HMCN2: variants seen among roughly 807,000 people sequenced by gnomAD.
The protein encoded by HMCN2 is hemicentin-2.
A neutral mutation model predicts 377.5 loss-of-function variants in HMCN2; 325 were observed. The observed-to-expected ratio is 0.86, with a 90% CI of 0.79 to 0.94. The LOEUF is 0.94. HMCN2 is among the 40% of genes least tolerant of loss of function. The pLI is 0.00. For missense variants in HMCN2, 4,543 were observed against 4,725.3 expected, an observed-to-expected ratio of 0.96 and a Z score of 1.13; for synonymous variants, 2,007 against 2,046.8, an observed-to-expected ratio of 0.98 and a Z score of 0.53.
rs1276236107 is a variant in HMCN2, at chr9:130,361,216, C to G, written c.5950+612C>G. Among the ~76,000 whole-genome samples the G allele has an allele frequency of 6.6e-6, 1 of 152,206 alleles. No individual in the cohort carries two copies. Among genetic ancestry groups the G allele is most frequent in the Non-Finnish European group, 1.5e-5 (1 of 68,046 alleles). ...TGGAGGACACAGCAATCAGATCATTCCCCAGAGTACTACTTGATGTCAATT... is the reference window on the plus strand; with the variant it reads ...TGGAGGACACAGCAATCAGATCATTGCCCAGAGTACTACTTGATGTCAATT... On this transcript the variant is annotated intron_variant, in intron 38 of 97. Transcript: ENST00000683500. This position sits in a 1 kb window ranked among gnomAD's most constrained non-coding sequence, Gnocchi z 4.8.
chr9:130,416,100 ATT>A (rs34382467), intron 85 of HMCN2, among the ~76,000 whole-genome samples: 61,370 of 130,984 alleles, frequency 0.47, 12,963 homozygotes, highest in Middle Eastern at 0.56. Flanking sequence ...TAGAGGCTTT[ATT>A]TTTTTTTTTT....
chr9:130,295,559 A>G, intron 5 of HMCN2, 107 bp from the exon 6 acceptor site: 1 of 333,730 alleles, frequency 3.0e-6, no homozygotes, highest in Non-Finnish European at 6.1e-6. Context: ...CACTTCCGGG[A>G]AGACTGAGGC....
At chr9:130,334,556 T>TG (rs1838610850) in intron 22 of HMCN2, among the ~76,000 whole-genome samples, 1 of 150,362 alleles carries the variant, frequency 6.7e-6, no homozygotes, top group African/African-American at 2.4e-5. Flanking sequence ...GAAGTTTTTT[T>TG]TTTTTTTTTT....
intron 96 of HMCN2, among the ~76,000 whole-genome samples, chr9:130,431,951 T>C (rs1369503645): frequency 6.6e-6 from 1 of 152,198 alleles, no homozygotes; most frequent in Non-Finnish European, 1.5e-5. Flanking sequence ...CAAACGGGGC[T>C]GGGGCCGGTC....
rs1342337730 is a variant in HMCN2 at position 130,385,819 on chromosome 9, G to A, written c.9309+57G>A. 72 of 1,200,470 alleles carry A rather than the reference G, an allele frequency of 6.0e-5. 1 individual carries two copies. The South Asian group carries it at 8.9e-4, about 15-fold the overall frequency. The allele number at this position is 1,200,470 out of a possible 1,614,324, so 74.4% of individuals were successfully genotyped here. ...AGCGCTGCAGGAAAGTCGCCTCCCAGCCCTGGCGAGCTGCGGGGAGGAAGG... is the reference window on the plus strand; with the variant it reads ...AGCGCTGCAGGAAAGTCGCCTCCCAACCCTGGCGAGCTGCGGGGAGGAAGG... On this transcript the variant is annotated intron_variant, in intron 60 of 97. Transcript: ENST00000683500.
chr9:130,287,576 AAAG>A (rs554150277), intron 4 of HMCN2, among the ~76,000 whole-genome samples: 17 of 145,286 alleles, frequency 1.2e-4, no homozygotes, highest in Non-Finnish European at 1.8e-4. Context: ...AAAAAAAAAA[AAAG>A]ATTAGGTCTC....
intron 85 of HMCN2, among the ~76,000 whole-genome samples, chr9:130,413,431 C>T (rs1843524794): frequency 6.6e-6 from 1 of 152,084 alleles, no homozygotes; most frequent in Non-Finnish European, 1.5e-5. Flanking sequence ...CCCTTTTGTA[C>T]CTAGTGTGTT....
intron 62 of HMCN2, among the ~76,000 whole-genome samples, chr9:130,390,213 G>T (rs1023926814): frequency 6.6e-6 from 1 of 152,138 alleles, no homozygotes; most frequent in Non-Finnish European, 1.5e-5. Context: ...CAACATTCAC[G>T]TCTCAGCGGA....
Position 130,379,412 on chromosome 9 carries a change from C to G in HMCN2, c.8376C>G (p.Thr2792=). ...DTNAIPPPDL[T]WYREDQPLSA... is the part of the protein sequence containing the mutation. ...ACGCGATCCCACCCCCGGACCTCAC[C>G]TGGTACAGAGAGGATCAGCCCCTCT... Residue 2792 remains threonine, a synonymous_variant, in exon 54 of 98, where the codon ACC becomes ACG. Transcript: ENST00000683500. 1.0e-6 allele frequency: 1 copy of G among 985,870 alleles called. No homozygotes were observed. The highest frequency in any genetic ancestry group is 4.7e-5 in the South Asian group (1 of 21,286). 61.1% of individuals were successfully genotyped at this position (985,870 alleles called of 1,614,324 possible). A position where few individuals can be genotyped will look rare whatever the true frequency, so the allele number is the denominator to read the frequency against.
intron 22 of HMCN2, among the ~76,000 whole-genome samples, chr9:130,327,967 C>T (rs1424351997): frequency 6.6e-6 from 1 of 152,168 alleles, no homozygotes; most frequent in Non-Finnish European, 1.5e-5. Context: ...AGGAGGCTGG[C>T]TTGGGTGTCC....
Position 130,351,328 on chromosome 9 carries a change from G to C in HMCN2, c.4431-95G>C. Reference sequence around the variant, plus strand: ...CCTCTTGGCGCTAATGAATGGCCCAGCCTCGCTTTTTACAAGCCACACACT... The same window carrying C: ...CCTCTTGGCGCTAATGAATGGCCCACCCTCGCTTTTTACAAGCCACACACT... On this transcript the variant is annotated intron_variant, in intron 29 of 97. Coordinates refer to ENST00000683500, the MANE Select transcript of HMCN2 (RefSeq NM_001291815.2). The surrounding 1 kb of genome is among the most constrained non-coding windows in gnomAD (Gnocchi z 5.4). 2 of 1,019,734 alleles carry C rather than the reference G, an allele frequency of 2.0e-6. No individual in the cohort carries two copies. The highest frequency in any genetic ancestry group is 2.6e-6 in the Non-Finnish European group (2 of 773,906). 63.2% of individuals were successfully genotyped at this position (1,019,734 alleles called of 1,614,324 possible). A position where few individuals can be genotyped will look rare whatever the true frequency, so the allele number is the denominator to read the frequency against.
chr9:130,368,465 G>T (rs1317524997), intron 44 of HMCN2, 28 bp downstream of exon 44: 3 of 984,598 alleles, frequency 3.0e-6, no homozygotes, highest in Non-Finnish European at 3.6e-6. Flanking sequence ...GGGCTGGAAG[G>T]GTCTGGGATC....
In HMCN2 at chr9:130,379,444, G is replaced by C. The variant is rs947488372; in HGVS notation, c.8408G>C (p.Gly2803Ala). Residue 2803 changes from glycine to alanine, a missense_variant, in exon 54 of 98, where the codon GGG becomes GCG. Gly to Ala is a moderately conservative substitution (Grantham distance 60, BLOSUM62 0). Coordinates refer to ENST00000683500, the MANE Select transcript of HMCN2 (RefSeq NM_001291815.2). The part of the protein sequence containing the change: ...WYREDQPLSA[G>A]DEVSVLQGGR... ...AGAGAGGATCAGCCCCTCTCGGCCGGGGATGAGGTGTCTGTGCTGCAAGGT... is the reference window on the plus strand; with the variant it reads ...AGAGAGGATCAGCCCCTCTCGGCCGCGGATGAGGTGTCTGTGCTGCAAGGT... The C allele has an allele frequency of 3.0e-6, 3 of 985,756 alleles. No homozygotes were observed. The highest frequency in any genetic ancestry group is 1.2e-4 in the Admixed American group (2 of 16,274). 61.1% of individuals were successfully genotyped at this position (985,756 alleles called of 1,614,324 possible). A position where few individuals can be genotyped will look rare whatever the true frequency, so the allele number is the denominator to read the frequency against.
rs906730877 is a variant in HMCN2, at chr9:130,431,374, C to T, written c.14655C>T (p.Asp4885=). 5.8e-6 allele frequency: 9 copies of T among 1,549,494 alleles called. No homozygotes were observed. The African/African-American group carries it at 6.8e-5, about 12-fold the overall frequency. ...IRQNGVCTDL[D]ECRVRNLCQH... ...CCCCCATGCCCGGGCCAGACCTTGA[C>T]GAGTGCCGCGTGAGGAACCTGTGTC... The change falls in exon 96 of 98, where the codon GAC becomes GAT. Residue 4885 remains aspartate (D), a synonymous_variant. Transcript: ENST00000683500.
chr9:130,321,226 C>T (rs1837835042), intron 18 of HMCN2, among the ~76,000 whole-genome samples: 1 of 152,124 alleles, frequency 6.6e-6, no homozygotes, highest in African/African-American at 2.4e-5. Context: ...AGTGGTCTCC[C>T]CGGTTCTTAT....
chr9:130,268,594 C>G (rs1434276153), intron 1 of HMCN2, among the ~76,000 whole-genome samples: 1 of 149,466 alleles, frequency 6.7e-6, no homozygotes, highest in Non-Finnish European at 1.5e-5. Context: ...AGACCCCCCC[C>G]TGAGGAAGCA....
chr9:130,363,747 T>C (rs1210427121), intron 40 of HMCN2, among the ~76,000 whole-genome samples: 1 of 147,828 alleles, frequency 6.8e-6, no homozygotes, highest in Non-Finnish European at 1.5e-5. Flanking sequence ...CACTTGAACC[T>C]GGGAGGTAGA....
chr9:130,366,795 C>G (rs573510466), intron 43 of HMCN2, among the ~76,000 whole-genome samples: 5 of 152,246 alleles, frequency 3.3e-5, no homozygotes, highest in African/African-American at 1.2e-4. Flanking sequence ...AGGCCCTGTT[C>G]TAGGCACTGG....
intron 48 of HMCN2, among the ~76,000 whole-genome samples, chr9:130,373,631 GGATGGATGAATGGATA>G (rs1841181290): frequency 1.3e-5 from 2 of 150,792 alleles, no homozygotes; most frequent in African/African-American, 4.9e-5. Context: ...ATGGATGGAT[GGATGGATGAATGGATA>G]GATGGATAGG....
Sources: allele counts gnomAD v4.1 joint callset (sites outside exome capture counted in the v4.1 genomes callset), GRCh38; gene constraint gnomAD v4.1.1; non-coding constraint Gnocchi (gnomAD v3.1); transcripts MANE v1.5; gene names NCBI Gene and HGNC (gene_info 2026-07-23, HGNC 2026-07-21).